Variants in PLD1 observed in about 807,000 individuals in gnomAD.
PLD1 encodes the protein choline phosphatase 1.
PLD1 carries 112 observed loss-of-function variants against 137.1 expected under a neutral mutation model. That is an observed-to-expected ratio of 0.82 (90% CI 0.70 to 0.96). PLD1 has a LOEUF of 0.96. PLD1 is among the 40% of genes least tolerant of loss of function. PLD1 has a pLI of 0.00. For synonymous variants in PLD1, 431 were observed against 454.7 expected (o/e 0.95, Z 0.66); for missense variants, 1,321 against 1,342.0 (o/e 0.98, Z 0.24).
At chr3:171,763,785 T>C (rs1332556605) in intron 1 of PLD1, among the ~76,000 whole-genome samples, 2 of 150,854 alleles carry the variant, frequency 1.3e-5, no homozygotes, top group Non-Finnish European at 3.0e-5. Flanking sequence ...CATAAAGTCA[T>C]AAAAATAGAA....
At position 171,720,293 on chromosome 3, in the gene PLD1, C is replaced by CAAAAAAAAA. The variant is rs752618596; in HGVS notation, c.758+4394_758+4402dup. On this transcript the variant is annotated intron_variant, in intron 8 of 26. Coordinates refer to ENST00000351298, the MANE Select transcript of PLD1 (RefSeq NM_002662.5). Reference sequence around the variant, plus strand: ...TTGGTGACAAGGTGAGACCCTGTCTCAAAAAAAAAAAAAAAAAAAAGGCCG... The same window carrying CAAAAAAAAA: ...TTGGTGACAAGGTGAGACCCTGTCTCAAAAAAAAAAAAAAAAAAAAAAAAAAAAAGGCCG... 3.4e-4 allele frequency among the ~76,000 whole-genome samples: 23 copies of CAAAAAAAAA among 67,910 alleles called. 3 individuals carry two copies. Among genetic ancestry groups the CAAAAAAAAA allele is most frequent in the African/African-American group, 1.3e-3 (21 of 16,660 alleles). The allele number at this position is 67,910 out of a possible 152,430, so 44.6% of individuals were successfully genotyped here. A position where few individuals can be genotyped will look rare whatever the true frequency, so the allele number is the denominator to read the frequency against.
chr3:171,666,958 C>T (rs1712212610), intron 19 of PLD1, among the ~76,000 whole-genome samples: 1 of 152,144 alleles, frequency 6.6e-6, no homozygotes. Context: ...ATCCTATGGG[C>T]CCAAGTCAAA....
At chr3:171,718,718 T>C (rs1284291235) in intron 8 of PLD1, among the ~76,000 whole-genome samples, 1 of 152,138 alleles carries the variant, frequency 6.6e-6, no homozygotes, top group Non-Finnish European at 1.5e-5. Context: ...TGCCACTCAC[T>C]GCTTGTAAGA....
At chr3:171,657,131 C>A (rs1737280552) in intron 21 of PLD1, among the ~76,000 whole-genome samples, 1 of 151,968 alleles carries the variant, frequency 6.6e-6, no homozygotes, top group African/African-American at 2.4e-5. Flanking sequence ...CCTCTTGAAT[C>A]TCAGTTTTTA....
intron 24 of PLD1, among the ~76,000 whole-genome samples, chr3:171,618,924 C>A (rs559648485): frequency 6.6e-6 from 1 of 151,884 alleles, no homozygotes; most frequent in Non-Finnish European, 1.5e-5. Context: ...GGCTTCAGAA[C>A]TATGTTTCTT....
At chr3:171,750,875 A>G (rs1720604571) in intron 1 of PLD1, among the ~76,000 whole-genome samples, 1 of 152,212 alleles carries the variant, frequency 6.6e-6, no homozygotes, top group African/African-American at 2.4e-5. Flanking sequence ...CAGAGAAATT[A>G]TAATAGGTAG....
At chr3:171,620,668 C>A in intron 23 of PLD1, 148 bp from the exon 24 acceptor site, 1 of 362,524 alleles carries the variant, frequency 2.8e-6, no homozygotes, top group Non-Finnish European at 4.8e-6. Context: ...CAGAATTCAT[C>A]CAGGATTTAT....
At chr3:171,796,091 A>C (rs569289714) in intron 1 of PLD1, among the ~76,000 whole-genome samples, 78 of 152,314 alleles carry the variant, frequency 5.1e-4, no homozygotes, top group South Asian at 1.0e-3. Context: ...ACTCTTACCC[A>C]ATGATTCAAT....
chr3:171,606,077 C>G (rs1458498534), intron 25 of PLD1, among the ~76,000 whole-genome samples: 1 of 152,174 alleles, frequency 6.6e-6, no homozygotes, highest in East Asian at 1.9e-4. Context: ...AGGAGCTACT[C>G]CCATAATCCA....
At chr3:171,681,760 T>C (rs987633299) in intron 16 of PLD1, among the ~76,000 whole-genome samples, 5 of 152,280 alleles carry the variant, frequency 3.3e-5, no homozygotes, top group African/African-American at 1.2e-4. Context: ...TGCTCACCTA[T>C]TAGATAACAA....
chr3:171,758,597 A>G (rs1721190382), intron 1 of PLD1, among the ~76,000 whole-genome samples: 1 of 152,216 alleles, frequency 6.6e-6, no homozygotes, highest in South Asian at 2.1e-4. Context: ...TTAACAAAAC[A>G]TCCAAGTGAG....
At chr3:171,631,630 G>T (rs1734672557) in intron 23 of PLD1, among the ~76,000 whole-genome samples, 1 of 152,094 alleles carries the variant, frequency 6.6e-6, no homozygotes, top group Non-Finnish European at 1.5e-5. Flanking sequence ...ACCTTGTTGT[G>T]CCAGTAAAAG....
intron 13 of PLD1, among the ~76,000 whole-genome samples, chr3:171,689,722 G>T (rs1332267831): frequency 6.6e-6 from 1 of 152,146 alleles, no homozygotes; most frequent in East Asian, 1.9e-4. Flanking sequence ...TGCTGGTTTT[G>T]AACTCCTGGC....
At chr3:171,613,383 A>C (rs970472785) in intron 24 of PLD1, among the ~76,000 whole-genome samples, 2 of 152,210 alleles carry the variant, frequency 1.3e-5, no homozygotes, top group Non-Finnish European at 2.9e-5. Context: ...ATCATCAAGC[A>C]CTTGAAAAAA....
chr3:171,642,733 C>A, intron 23 of PLD1, 107 bp downstream of exon 23: 1 of 663,858 alleles, frequency 1.5e-6, no homozygotes, highest in Middle Eastern at 3.6e-4. Flanking sequence ...TGTGGGGTAC[C>A]TTTTATAAAC....
Position 171,686,810 on chromosome 3 carries a change from A to G in PLD1, c.1754-12T>C, listed in dbSNP as rs751880714. 2 of 1,300,812 alleles carry G rather than the reference A, an allele frequency of 1.5e-6. No individual in the cohort carries two copies. Among genetic ancestry groups the G allele is most frequent in the Non-Finnish European group, 2.2e-6 (2 of 919,954 alleles). The allele number at this position is 1,300,812 out of a possible 1,614,324, so 80.6% of individuals were successfully genotyped here. On this transcript the variant is annotated splice_polypyrimidine_tract_variant and intron_variant, in intron 15 of 26. Transcript: ENST00000351298. ...GTGATTAAAATAACCTAGAGAAATT[A>G]AGAATTTTTTTACAAAAAAATACAA...
intron 18 of PLD1, among the ~76,000 whole-genome samples, chr3:171,675,811 A>G (rs1221684108): frequency 6.6e-6 from 1 of 152,114 alleles, no homozygotes; most frequent in Non-Finnish European, 1.5e-5. Flanking sequence ...TCAAGTAAAT[A>G]AAGTGAAACT....
intron 19 of PLD1, among the ~76,000 whole-genome samples, chr3:171,662,424 C>T (rs1711592229): frequency 6.6e-6 from 1 of 152,158 alleles, no homozygotes; most frequent in African/African-American, 2.4e-5. Context: ...AATATACCCT[C>T]TTTCATCCAG....
At chr3:171,642,813 G>A in intron 23 of PLD1, 27 bp downstream of exon 23, 2 of 1,370,342 alleles carry the variant, frequency 1.5e-6, no homozygotes, top group Non-Finnish European at 1.0e-6. Flanking sequence ...AAAAAACAAT[G>A]ATATGAGAAA....
Sources: allele counts gnomAD v4.1 joint callset (sites outside exome capture counted in the v4.1 genomes callset), GRCh38; gene constraint gnomAD v4.1.1; transcripts MANE v1.5; gene names NCBI Gene and HGNC (gene_info 2026-07-23, HGNC 2026-07-21).